The following CLSTN3 variants were observed in gnomAD, a reference collection of about 807,000 sequenced individuals.
CLSTN3 encodes the protein calsyntenin-3.
Under a neutral mutation model 95.9 loss-of-function variants are expected in CLSTN3, and 36 were observed. The observed-to-expected ratio is 0.38, with a 90% CI of 0.29 to 0.50. The LOEUF is 0.50. CLSTN3 is among the 20% of genes least tolerant of loss of function. CLSTN3 has a pLI of 0.95. For missense variants in CLSTN3, 1,084 were observed against 1,268.8 expected, an observed-to-expected ratio of 0.85 and a Z score of 2.21; for synonymous variants, 481 against 504.0, an observed-to-expected ratio of 0.95 and a Z score of 0.61.
At chr12:7,138,107 G>A in intron 8 of CLSTN3, 40 bp downstream of exon 8, 1 of 1,497,632 alleles carries the variant, frequency 6.7e-7, no homozygotes, top group Non-Finnish European at 9.3e-7. Context: ...CTGAGTAGAT[G>A]TGACTCACTT....
At position 7,133,483 on chromosome 12, in the gene CLSTN3, AGGAGAGGT is replaced by A; in HGVS notation, c.188-85_188-78del. On this transcript the variant is annotated intron_variant, in intron 2 of 17. Coordinates refer to ENST00000266546, the MANE Select transcript of CLSTN3 (RefSeq NM_014718.4). This position sits in a 1 kb window ranked among gnomAD's most constrained non-coding sequence, Gnocchi z 4.7. ...ACAGGAGAAGGGACAGGGCTTTGGGAGGAGAGGTGGAGCTGGACCCCAGGTGGGGAGAC... is the reference window on the plus strand; with the variant it reads ...ACAGGAGAAGGGACAGGGCTTTGGGAGGAGCTGGACCCCAGGTGGGGAGAC... 1 of 1,260,280 alleles carries A rather than the reference AGGAGAGGT, an allele frequency of 7.9e-7. No homozygotes were observed. The allele number at this position is 1,260,280 out of a possible 1,614,324, so 78.1% of individuals were successfully genotyped here.
intron 1 of CLSTN3, 189 bp from the exon 2 acceptor site, chr12:7,132,835 C>A: frequency 1.4e-6 from 1 of 708,828 alleles, no homozygotes; most frequent in Non-Finnish European, 2.5e-6. Flanking sequence ...TATGACCTCC[C>A]GCAGACCCTC....
Position 7,157,457 on chromosome 12 carries a change from A to G in CLSTN3, c.2528-32A>G. On this transcript the variant is annotated intron_variant, in intron 16 of 17. Transcript: ENST00000266546. This position sits in a 1 kb window ranked among gnomAD's most constrained non-coding sequence, Gnocchi z 5.9. ...CAAGTGCCCCCAGGTGTGCCTAGTC[A>G]CGCTCTGCTCACCCCCGCGCTCTCT... is the stretch of plus-strand genomic sequence containing the variant. 1 of 1,525,762 alleles carries G rather than the reference A, an allele frequency of 6.6e-7. No individual in the cohort carries two copies. Among genetic ancestry groups the G allele is most frequent in the Non-Finnish European group, 8.8e-7 (1 of 1,134,782 alleles). The allele number at this position is 1,525,762 out of a possible 1,614,324, so 94.5% of individuals were successfully genotyped here.
intron 16 of CLSTN3, among the ~76,000 whole-genome samples, chr12:7,153,462 A>C (rs749132054): frequency 6.6e-6 from 1 of 152,254 alleles, no homozygotes; most frequent in African/African-American, 2.4e-5. Flanking sequence ...CGCCTTTTTC[A>C]GTGTTCTACT....
Position 7,136,854 on chromosome 12 carries a change from G to C in CLSTN3, c.954G>C (p.Leu318=). 1.9e-6 allele frequency: 3 copies of C among 1,614,126 alleles called. No homozygotes were observed. The highest frequency in any genetic ancestry group is 2.5e-6 in the Non-Finnish European group (3 of 1,180,012). ...LCGAATGEVD[L]LPMPGPNANW... is the part of the protein sequence containing the mutation. ...GTGCTGCCACTGGGGAGGTGGATCTGTTGCCCATGCCTGGCCCCAATGCCA... is the reference window on the plus strand; with the variant it reads ...GTGCTGCCACTGGGGAGGTGGATCTCTTGCCCATGCCTGGCCCCAATGCCA... Residue 318 remains leucine (L), a synonymous_variant, in exon 7 of 18, where the codon CTG becomes CTC. Transcript: ENST00000266546.
At chr12:7,142,270 G>A in intron 10 of CLSTN3, 131 bp downstream of exon 10, 1 of 734,572 alleles carries the variant, frequency 1.4e-6, no homozygotes, top group Non-Finnish European at 2.2e-6. Flanking sequence ...GAGCCTCCAA[G>A]AAATACAGCA....
chr12:7,135,369 C>G lies in CLSTN3; in HGVS notation c.426C>G (p.Ala142=). 1 of 1,614,120 alleles carries G rather than the reference C, an allele frequency of 6.2e-7. No homozygotes were observed. Among genetic ancestry groups the G allele is most frequent in the Non-Finnish European group, 8.5e-7 (1 of 1,180,018 alleles). ...GGGTCAACGATGTGAACGAGTTTGC[C>G]CCAGTGTTTGTGGAACGGCTGTATC... ...HVRVNDVNEF[A]PVFVERLYRA... The change falls in exon 4 of 18, where the codon GCC becomes GCG. Residue 142 remains alanine, a synonymous_variant. Transcript: ENST00000266546.
At chr12:7,153,833 C>A (rs1441074510) in intron 16 of CLSTN3, among the ~76,000 whole-genome samples, 1 of 152,158 alleles carries the variant, frequency 6.6e-6, no homozygotes, top group Non-Finnish European at 1.5e-5. Context: ...ACTTCTTGTT[C>A]TAGGAGCCCA....
At position 7,151,014 on chromosome 12, in the gene CLSTN3, C is replaced by T; in HGVS notation, c.2478C>T (p.Pro826=). The change falls in exon 16 of 18, where the codon CCC becomes CCT. Residue 826 remains proline, a synonymous_variant. Transcript: ENST00000266546. ...SQQFLHRGHQ[P]PPEMAGHSLA... ...AGTTCCTGCACCGTGGTCACCAGCC[C>T]CCGCCTGAGATGGCTGGACACAGCC... 6.2e-7 allele frequency: 1 copy of T among 1,612,546 alleles called. No homozygotes were observed. The highest frequency in any genetic ancestry group is 8.5e-7 in the Non-Finnish European group (1 of 1,179,118).
In CLSTN3 at chr12:7,149,606, G is replaced by A. The variant is rs1431310043; in HGVS notation, c.2158G>A (p.Glu720Lys). 5.6e-6 allele frequency: 9 copies of A among 1,614,118 alleles called. No individual in the cohort carries two copies. Among genetic ancestry groups the A allele is most frequent in the South Asian group, 3.3e-5 (3 of 91,072 alleles). Residue 720 changes from glutamate to lysine, a missense_variant, in exon 14 of 18, where the codon GAG becomes AAG. Glu to Lys is a moderately conservative substitution (Grantham distance 56). Transcript: ENST00000266546. The surrounding 1 kb of genome is among the most constrained non-coding windows in gnomAD (Gnocchi z 4.5). ...TCTGGTGGGGGATGACCTGGATCCC[G>A]AGCGGGAAAGCCTGCTCCTGGACAC... ...ISLVGDDLDP[E>K]RESLLLDTTS... is the part of the protein sequence containing the mutation.
At chr12:7,145,781 C>T (rs1939614091) in intron 12 of CLSTN3, among the ~76,000 whole-genome samples, 1 of 152,146 alleles carries the variant, frequency 6.6e-6, no homozygotes, top group African/African-American at 2.4e-5. Flanking sequence ...CAGCCTCTCT[C>T]CCTGAACTCT....
chr12:7,151,524 A>G (rs1312800626), intron 16 of CLSTN3, among the ~76,000 whole-genome samples: 1 of 152,212 alleles, frequency 6.6e-6, no homozygotes, highest in Non-Finnish European at 1.5e-5. Flanking sequence ...TGGTACTATT[A>G]CATGTAAAAT....
intron 1 of CLSTN3, chr12:7,131,039 G>A: frequency 2.1e-6 from 1 of 472,034 alleles, no homozygotes; most frequent in Non-Finnish European, 3.9e-6. Flanking sequence ...GGTCTGGGAA[G>A]GACTGCCCCC....
upstream of CLSTN3, chr12:7,130,316 CAGTCACCTGATTGGCCGGCGG>C: frequency 3.2e-6 from 3 of 946,942 alleles, no homozygotes; most frequent in Admixed American, 3.9e-5. Context: ...CCCCCCCTCC[CAGTCACCTGATTGGCCGGCGG>C]CCCCATCAAT....
Position 7,141,176 on chromosome 12 carries a change from T to G in CLSTN3, c.1324-66T>G. The G allele has an allele frequency of 1.3e-6, 2 of 1,521,836 alleles. No individual in the cohort carries two copies. The highest frequency in any genetic ancestry group is 1.8e-6 in the Non-Finnish European group (2 of 1,119,480). 94.3% of individuals were successfully genotyped at this position (1,521,836 alleles called of 1,614,324 possible). On this transcript the variant is annotated intron_variant, in intron 8 of 17. Transcript: ENST00000266546. The surrounding 1 kb of genome is among the most constrained non-coding windows in gnomAD (Gnocchi z 4.1). ...CCCTGTCTCCCAGGAGATGGGGCAG[T>G]GCCTAGGGTTAGCTCTCTGAAGACG...
chr12:7,147,656 A>G (rs778389009), intron 12 of CLSTN3, among the ~76,000 whole-genome samples: 136 of 151,614 alleles, frequency 9.0e-4, no homozygotes, highest in Middle Eastern at 3.4e-3. Context: ...CTGGGACTAC[A>G]AGCATCTACC....
chr12:7,150,682 T>C lies in CLSTN3; in HGVS notation c.2384T>C (p.Ile795Thr), dbSNP rs894015156. The C allele has an allele frequency of 6.2e-7, 1 of 1,613,536 alleles. No homozygotes were observed. The highest frequency in any genetic ancestry group is 1.7e-5 in the Admixed American group (1 of 60,024). ...MNGRYSSNEF[I>T]VEVNVLHSMN... ...GGCCGTTACTCCAGCAATGAATTCA[T>C]CGTGGAGGTACCCAGAGAGTCTCCT... is the stretch of plus-strand genomic sequence containing the variant. The change falls in exon 15 of 18, where the codon ATC (isoleucine) becomes ACC (threonine). Residue 795 changes from isoleucine to threonine, a missense_variant. Physicochemically the swap from Ile to Thr is moderately conservative, Grantham distance 89 (BLOSUM62 -1). Transcript: ENST00000266546. The surrounding 1 kb of genome is among the most constrained non-coding windows in gnomAD (Gnocchi z 4.0).
chr12:7,149,242 A>G lies in CLSTN3; in HGVS notation c.2074+44A>G. On this transcript the variant is annotated intron_variant, in intron 13 of 17. Transcript: ENST00000266546. The surrounding 1 kb of genome is among the most constrained non-coding windows in gnomAD (Gnocchi z 4.5). ...AGTAACACCATCCAGAGAACCAGCCAGTGTCTGGAGTCAGAGTGTGGGAGA... is the reference window on the plus strand; with the variant it reads ...AGTAACACCATCCAGAGAACCAGCCGGTGTCTGGAGTCAGAGTGTGGGAGA... 7.5e-7 allele frequency: 1 copy of G among 1,335,984 alleles called. No individual in the cohort carries two copies. The highest frequency in any genetic ancestry group is 2.9e-5 in the East Asian group (1 of 34,886). The allele number at this position is 1,335,984 out of a possible 1,614,324, so 82.8% of individuals were successfully genotyped here. A position where few individuals can be genotyped will look rare whatever the true frequency, so the allele number is the denominator to read the frequency against.
intron 3 of CLSTN3, among the ~76,000 whole-genome samples, chr12:7,134,730 C>T (rs943852386): frequency 4.6e-5 from 7 of 152,230 alleles, no homozygotes; most frequent in Non-Finnish European, 5.9e-5. Context: ...CTTATCCCCC[C>T]GGATCTGACT....
Sources: allele counts gnomAD v4.1 joint callset (sites outside exome capture counted in the v4.1 genomes callset), GRCh38; gene constraint gnomAD v4.1.1; non-coding constraint Gnocchi (gnomAD v3.1); transcripts MANE v1.5; gene names NCBI Gene and HGNC (gene_info 2026-07-23, HGNC 2026-07-21).